Variants in ANK2 observed in about 807,000 individuals in gnomAD.
The protein encoded by ANK2 is ankyrin 2, also known as ankyrin-2.
ANK2 carries 83 observed loss-of-function variants against 360.5 expected under a neutral mutation model. The ratio of observed to expected loss-of-function variants is 0.23; its 90% confidence interval spans 0.19 to 0.28. The LOEUF is 0.28. ANK2 is among the 10% of genes least tolerant of loss of function. ANK2 has a pLI of 1.00. For synonymous variants in ANK2, 1,740 were observed against 1,759.5 expected (o/e 0.99, Z 0.28); for missense variants, 4,201 against 4,795.7 (o/e 0.88, Z 3.66).
chr4:113,199,175 T>G (rs2098794108), intron 4 of ANK2, 66 bp downstream of exon 4: 1 of 1,281,912 alleles, frequency 7.8e-7, no homozygotes, highest in Non-Finnish European at 1.1e-6. Flanking sequence ...GAAATTGATT[T>G]AATGTGTTTA....
At chr4:113,013,314 A>G (rs1318638011) in intron 2 of ANK2, among the ~76,000 whole-genome samples, 1 of 152,194 alleles carries the variant, frequency 6.6e-6, no homozygotes, top group African/African-American at 2.4e-5. Context: ...GACTCTTCCA[A>G]GAGTTCACAA....
At chr4:112,808,116 G>A in the ANK2 span, among the ~76,000 whole-genome samples, 73 of 151,966 alleles carry the variant, frequency 4.8e-4, no homozygotes, top group African/African-American at 1.7e-3. Context: ...GAAGAGTACT[G>A]CCAAGACATG....
chr4:112,954,484 C>T (rs200383174), intron 2 of ANK2, among the ~76,000 whole-genome samples: 1 of 152,028 alleles, frequency 6.6e-6, no homozygotes, highest in East Asian at 1.9e-4. Flanking sequence ...TTACATAGTT[C>T]GAGTATAAGC....
chr4:112,784,145 G>A, the ANK2 span, among the ~76,000 whole-genome samples: 1 of 151,896 alleles, frequency 6.6e-6, no homozygotes, highest in Admixed American at 6.6e-5. Flanking sequence ...AAATACATAT[G>A]GCATACTTAA....
intron 1 of ANK2, among the ~76,000 whole-genome samples, chr4:112,900,860 G>A (rs933553084): frequency 2.0e-5 from 3 of 152,192 alleles, no homozygotes; most frequent in Non-Finnish European, 4.4e-5. Flanking sequence ...CTATGTGTAA[G>A]ACCAAGGCTT....
chr4:113,217,483 G>C (rs552689487), intron 4 of ANK2, among the ~76,000 whole-genome samples: 1 of 152,232 alleles, frequency 6.6e-6, no homozygotes. Context: ...CCAAAGCAGC[G>C]GTTGCCAAGG....
intron 1 of ANK2, among the ~76,000 whole-genome samples, chr4:112,869,425 A>G (rs2071986866): frequency 6.6e-6 from 1 of 151,998 alleles, no homozygotes; most frequent in Non-Finnish European, 1.5e-5. Context: ...CTACAAGTGC[A>G]TGCCACCACA....
chr4:113,276,820 G>T (rs1010364925), intron 15 of ANK2, among the ~76,000 whole-genome samples: 1 of 152,198 alleles, frequency 6.6e-6, no homozygotes, highest in Non-Finnish European at 1.5e-5. Flanking sequence ...CTGTGTTTAT[G>T]ATGGGGGCTT....
chr4:112,808,120 A>G, the ANK2 span, among the ~76,000 whole-genome samples: 1 of 151,902 alleles, frequency 6.6e-6, no homozygotes, highest in Non-Finnish European at 1.5e-5. Flanking sequence ...AGTACTGCCA[A>G]GACATGGGGA....
chr4:113,352,893 C>T (rs2095507404), intron 37 of ANK2, 152 bp from the exon 38 acceptor site: 3 of 750,254 alleles, frequency 4.0e-6, no homozygotes, highest in Admixed American at 5.4e-5. Flanking sequence ...TACCCTGAGG[C>T]CTTGTGGATC....
chr4:113,354,429 G>A lies in ANK2; in HGVS notation c.5811G>A (p.Leu1937=). 1 of 1,613,976 alleles carries A rather than the reference G, an allele frequency of 6.2e-7. No individual in the cohort carries two copies. The highest frequency in any genetic ancestry group is 8.5e-7 in the Non-Finnish European group (1 of 1,179,942). The change falls in exon 38 of 46, where the codon TTG becomes TTA. Residue 1937 remains leucine (L), a synonymous_variant. Coordinates refer to ENST00000357077, the MANE Select transcript of ANK2 (RefSeq NM_001148.6). ...PVSPGRTEKR[L]PVSPSGRTDK... is the part of the protein sequence containing the mutation. The stretch of plus-strand genomic sequence containing the variant: ...CGCCTGGGAGAACAGAAAAACGCTT[G>A]CCTGTTTCACCCTCCGGAAGAACGG...
chr4:113,370,280 G>A (rs918163198), intron 43 of ANK2, among the ~76,000 whole-genome samples: 18 of 151,054 alleles, frequency 1.2e-4, no homozygotes, highest in African/African-American at 4.5e-4. Context: ...TTTCTCATTA[G>A]AGGCAAGATG....
chr4:113,370,653 C>T (rs190142104), intron 43 of ANK2, among the ~76,000 whole-genome samples: 20 of 151,906 alleles, frequency 1.3e-4, no homozygotes, highest in African/African-American at 3.9e-4. Flanking sequence ...CCAGCTACTC[C>T]GGAGGCTGAG....
chr4:113,008,721 A>T (rs115193107), intron 2 of ANK2, among the ~76,000 whole-genome samples: 160 of 152,104 alleles, frequency 1.1e-3, no homozygotes, highest in Non-Finnish European at 1.9e-3. Flanking sequence ...CATTAGTGGG[A>T]TATTTTATTA....
At chr4:112,966,192 A>G (rs2037157397) in intron 2 of ANK2, among the ~76,000 whole-genome samples, 5 of 151,702 alleles carry the variant, frequency 3.3e-5, no homozygotes, top group Non-Finnish European at 7.4e-5. Context: ...GTGAACATTT[A>G]TACTATAAAT....
intron 2 of ANK2, among the ~76,000 whole-genome samples, chr4:113,007,454 C>T (rs1055969301): frequency 4.6e-5 from 7 of 152,110 alleles, no homozygotes; most frequent in African/African-American, 1.7e-4. Context: ...TACCCAAATA[C>T]GATGTTCTTA....
intron 1 of ANK2, among the ~76,000 whole-genome samples, chr4:113,059,348 G>C (rs1243051000): frequency 6.6e-6 from 1 of 152,160 alleles, no homozygotes; most frequent in African/African-American, 2.4e-5. Context: ...AAATTCAGAA[G>C]ACTAGCCCTA....
intron 36 of ANK2, among the ~76,000 whole-genome samples, chr4:113,349,042 G>T (rs528752519): frequency 6.6e-6 from 1 of 151,918 alleles, no homozygotes; most frequent in East Asian, 1.9e-4. Flanking sequence ...TTATAAAGTG[G>T]GATCTTTACT....
chr4:113,360,972 A>G, intron 39 of ANK2, 75 bp downstream of exon 39: 1 of 1,287,040 alleles, frequency 7.8e-7, no homozygotes, highest in Non-Finnish European at 1.1e-6. Flanking sequence ...CACAGCATAA[A>G]AGGTACCCCC....
Sources: gnomAD v4.1 joint callset for allele counts (sites outside exome capture counted in the v4.1 genomes callset) on GRCh38, gnomAD v4.1.1 for gene constraint, MANE v1.5 for transcripts, NCBI Gene and HGNC (gene_info 2026-07-23, HGNC 2026-07-21) for gene names.